The following FHIT variants were observed in gnomAD, a reference collection of about 807,000 sequenced individuals.
The protein encoded by FHIT is fragile histidine triad diadenosine triphosphatase, also known as bis(5'-adenosyl)-triphosphatase.
FHIT carries 19 observed loss-of-function variants against 17.9 expected under a neutral mutation model. The observed-to-expected ratio is 1.06, with a 90% CI of 0.74 to 1.56. The LOEUF (loss-of-function observed/expected upper bound fraction) is 1.56. FHIT is among the 40% of genes most tolerant of loss of function. FHIT has a pLI of 0.00. For missense variants in FHIT, 248 were observed against 189.2 expected, an observed-to-expected ratio of 1.31 and a Z score of -1.82; for synonymous variants, 81 against 69.7, an observed-to-expected ratio of 1.16 and a Z score of -0.81.
At chr3:60,270,731 G>C (rs561112538) in intron 5 of FHIT, among the ~76,000 whole-genome samples, 1 of 152,186 alleles carries the variant, frequency 6.6e-6, no homozygotes, top group Non-Finnish European at 1.5e-5. Context: ...GATTAGTTCG[G>C]CTTTGGCCAT....
At chr3:60,218,911 C>T (rs1040281852) in intron 5 of FHIT, among the ~76,000 whole-genome samples, 2 of 151,992 alleles carry the variant, frequency 1.3e-5, no homozygotes, top group Admixed American at 6.6e-5. Flanking sequence ...ATTAACCTTT[C>T]TTATCCTGCT....
chr3:59,756,073 G>T (rs888402818), intron 8 of FHIT, among the ~76,000 whole-genome samples: 1 of 152,140 alleles, frequency 6.6e-6, no homozygotes, highest in Non-Finnish European at 1.5e-5. Flanking sequence ...TGCTACTACT[G>T]TCAGTCATTA....
intron 4 of FHIT, among the ~76,000 whole-genome samples, chr3:60,708,957 T>C (rs147845191): frequency 8.9e-4 from 135 of 152,308 alleles, no homozygotes; most frequent in Non-Finnish European, 1.7e-3. Context: ...CCTTTGTTTC[T>C]GGCAACTGGG....
intron 5 of FHIT, among the ~76,000 whole-genome samples, chr3:60,176,078 T>TGTG (rs1253189502): frequency 6.6e-6 from 1 of 152,090 alleles, no homozygotes; most frequent in Admixed American, 6.5e-5. Flanking sequence ...TGTGGCCAGG[T>TGTG]GTGGTGGCTC....
intron 3 of FHIT, among the ~76,000 whole-genome samples, chr3:60,891,177 C>T (rs1236886690): frequency 6.6e-6 from 1 of 152,180 alleles, no homozygotes; most frequent in Non-Finnish European, 1.5e-5. Context: ...TGACAGGCTA[C>T]TGCTACTTTA....
In FHIT at chr3:60,524,695, C is replaced by T. The variant is rs947439466; in HGVS notation, c.103+12165G>A. Among the ~76,000 whole-genome samples, 6 of 149,082 alleles carry T rather than the reference C, an allele frequency of 4.0e-5. No individual in the cohort carries two copies. The South Asian group carries it at 1.3e-3, about 33-fold the overall frequency. On this transcript the variant is annotated intron_variant, in intron 5 of 9. Transcript: ENST00000492590. Reference sequence around the variant, plus strand: ...CCAGCTTCTGATGGCTGTCAGCATTCCTTGACTTGTGACCACATCACTCCA... The same window carrying T: ...CCAGCTTCTGATGGCTGTCAGCATTTCTTGACTTGTGACCACATCACTCCA...
chr3:60,752,973 G>C (rs782012035), intron 4 of FHIT, among the ~76,000 whole-genome samples: 1 of 152,182 alleles, frequency 6.6e-6, no homozygotes, highest in African/African-American at 2.4e-5. Flanking sequence ...ACAGCCCTAA[G>C]AGAAGCAATA....
intron 8 of FHIT, among the ~76,000 whole-genome samples, chr3:59,891,185 T>C (rs769113057): frequency 8.5e-5 from 13 of 152,200 alleles, no homozygotes; most frequent in Non-Finnish European, 1.6e-4. Flanking sequence ...ATCCTTCCAG[T>C]TGTCCAGCTG....
intron 7 of FHIT, among the ~76,000 whole-genome samples, chr3:59,977,684 T>C (rs992940620): frequency 2.0e-5 from 3 of 152,124 alleles, no homozygotes; most frequent in East Asian, 1.9e-4. Flanking sequence ...TTCCTGTCCA[T>C]AGTTCCCCTT....
chr3:60,139,005 G>A (rs367666994), intron 5 of FHIT, among the ~76,000 whole-genome samples: 11 of 152,070 alleles, frequency 7.2e-5, no homozygotes, highest in African/African-American at 2.4e-4. Context: ...TGAAAGATGA[G>A]TGCCCAAAAG....
At chr3:60,422,500 C>G (rs765615965) in intron 5 of FHIT, among the ~76,000 whole-genome samples, 9 of 152,080 alleles carry the variant, frequency 5.9e-5, no homozygotes, top group Non-Finnish European at 1.2e-4. Context: ...TCAATATTTT[C>G]TTGTTCTTTA....
At chr3:60,432,731 T>A (rs866407734) in intron 5 of FHIT, among the ~76,000 whole-genome samples, 1 of 152,100 alleles carries the variant, frequency 6.6e-6, no homozygotes, top group African/African-American at 2.4e-5. Context: ...GGGGGAAGCA[T>A]TGGTGACAGG....
Position 60,551,391 on chromosome 3 carries a change from C to A in FHIT, c.-17-14412G>T, listed in dbSNP as rs570704640. ...ATACCTCTCATTTGGGAGACCAAAGCAGAAGGATCCCTTAAGAACAGGACT... is the reference window on the plus strand; with the variant it reads ...ATACCTCTCATTTGGGAGACCAAAGAAGAAGGATCCCTTAAGAACAGGACT... On this transcript the variant is annotated intron_variant, in intron 4 of 9. Transcript: ENST00000492590. 4.9e-3 allele frequency among the ~76,000 whole-genome samples: 648 copies of A among 132,784 alleles called. 4 individuals carry two copies. Among genetic ancestry groups the A allele is most frequent in the African/African-American group, 0.018 (621 of 34,276 alleles). The allele number at this position is 132,784 out of a possible 152,430, so 87.1% of individuals were successfully genotyped here.
At chr3:59,960,703 T>A (rs1004057112) in intron 7 of FHIT, among the ~76,000 whole-genome samples, 8 of 152,224 alleles carry the variant, frequency 5.3e-5, no homozygotes, top group African/African-American at 1.9e-4. Flanking sequence ...ACTTCTTCCT[T>A]TTGTTATGAG....
At position 60,762,960 on chromosome 3, in the gene FHIT, TG is replaced by T. The variant is rs1553720413; in HGVS notation, c.-18+58958del. Among the ~76,000 whole-genome samples the T allele has an allele frequency of 2.6e-5, 4 of 152,308 alleles. No homozygotes were observed. In the East Asian group the frequency reaches 7.7e-4, roughly 29 times the overall value. On this transcript the variant is annotated intron_variant, in intron 4 of 9. Transcript: ENST00000492590. ...TGAACGGCTTAAAATCGATCATCTC[TG>T]TCTCTCTCTGGAGAACCCTGACTGC...
intron 5 of FHIT, among the ~76,000 whole-genome samples, chr3:60,435,992 T>A (rs1325765329): frequency 6.6e-6 from 1 of 152,162 alleles, no homozygotes; most frequent in Non-Finnish European, 1.5e-5. Context: ...CATGATCTTG[T>A]TCTCTTTTAT....
intron 4 of FHIT, among the ~76,000 whole-genome samples, chr3:60,647,545 T>A (rs972156679): frequency 6.6e-6 from 1 of 152,130 alleles, no homozygotes; most frequent in Non-Finnish European, 1.5e-5. Context: ...CTGGTTGTCC[T>A]CTCCTCTGCC....
intron 5 of FHIT, among the ~76,000 whole-genome samples, chr3:60,508,442 A>G (rs2034821393): frequency 6.6e-6 from 1 of 152,156 alleles, no homozygotes; most frequent in Non-Finnish European, 1.5e-5. Context: ...CCACAGTTAC[A>G]GGTGGAAACT....
chr3:59,782,308 A>C (rs1424859859), intron 8 of FHIT, among the ~76,000 whole-genome samples: 1 of 152,132 alleles, frequency 6.6e-6, no homozygotes, highest in Non-Finnish European at 1.5e-5. Context: ...TTTTGTAGTT[A>C]ACTACTGGGT....
Sources: gnomAD v4.1 joint callset for allele counts (sites outside exome capture counted in the v4.1 genomes callset) on GRCh38, gnomAD v4.1.1 for gene constraint, MANE v1.5 for transcripts, NCBI Gene and HGNC (gene_info 2026-07-23, HGNC 2026-07-21) for gene names.